Variants in UBE2E2 observed in about 807,000 individuals in gnomAD.
UBE2E2 encodes the protein ubiquitin conjugating enzyme E2 E2.
Under a neutral mutation model 24.7 loss-of-function variants are expected in UBE2E2, and 6 were observed. The ratio of observed to expected loss-of-function variants is 0.24; its 90% CI spans 0.13 to 0.48. The LOEUF (loss-of-function observed/expected upper bound fraction) is 0.48. UBE2E2 is among the 20% of genes least tolerant of loss of function. UBE2E2 has a pLI of 0.99. For synonymous variants in UBE2E2, 104 were observed against 83.6 expected, an observed-to-expected ratio of 1.24 and a Z score of -1.33; for missense variants, 169 against 245.0, an observed-to-expected ratio of 0.69 and a Z score of 2.07.
At chr3:23,437,064 T>G (rs908672603) in intron 3 of UBE2E2, among the ~76,000 whole-genome samples, 1 of 152,256 alleles carries the variant, frequency 6.6e-6, no homozygotes, top group Non-Finnish European at 1.5e-5. Context: ...AGGCCATACG[T>G]GAGCTGGCCC....
rs527308916 is a variant in UBE2E2 at position 23,361,136 on chromosome 3, T to A, written c.228-138472T>A. Among the ~76,000 whole-genome samples the A allele has an allele frequency of 8.5e-5, 13 of 152,304 alleles. No homozygotes were observed. In the South Asian group the frequency reaches 2.7e-3, roughly 32 times the overall value. On this transcript the variant is annotated intron_variant, in intron 3 of 5. Coordinates refer to ENST00000396703, the MANE Select transcript of UBE2E2 (RefSeq NM_152653.4). ...ATTAAAACCACAGTGAGATACCACCTTACTCCTGTAAGAATGGCCATAATT... is the reference window on the plus strand; with the variant it reads ...ATTAAAACCACAGTGAGATACCACCATACTCCTGTAAGAATGGCCATAATT...
chr3:23,241,368 G>A (rs1264320815), intron 3 of UBE2E2, among the ~76,000 whole-genome samples: 2 of 152,108 alleles, frequency 1.3e-5, no homozygotes, highest in East Asian at 3.8e-4. Context: ...TTCTTAATAT[G>A]ACAGCCAGAA....
rs571248745 is a variant in UBE2E2 at position 23,478,583 on chromosome 3, A to G, written c.228-21025A>G. ...CAAAAATATTAAGAATAGAGCCTCCAAAACCAAAAAAGTAATATTTTTCTT... is the reference window on the plus strand; with the variant it reads ...CAAAAATATTAAGAATAGAGCCTCCGAAACCAAAAAAGTAATATTTTTCTT... On this transcript the variant is annotated intron_variant, in intron 3 of 5. Coordinates refer to ENST00000396703, the MANE Select transcript of UBE2E2 (RefSeq NM_152653.4). 1.2e-3 allele frequency among the ~76,000 whole-genome samples: 177 copies of G among 152,376 alleles called. 1 individual carries two copies. The highest frequency in any genetic ancestry group is 0.011 in the Admixed American group (176 of 15,306).
chr3:23,346,095 T>G (rs1695547109), intron 3 of UBE2E2, among the ~76,000 whole-genome samples: 1 of 152,220 alleles, frequency 6.6e-6, no homozygotes, highest in Non-Finnish European at 1.5e-5. Context: ...CCCCTACTTC[T>G]AGTTTTCGCC....
chr3:23,542,387 T>C (rs1215900136), intron 5 of UBE2E2, among the ~76,000 whole-genome samples: 1 of 152,204 alleles, frequency 6.6e-6, no homozygotes, highest in African/African-American at 2.4e-5. Context: ...GGTAAAAGTT[T>C]GTAAGTGAAA....
At chr3:23,432,883 ATAT>A (rs1179613161) in intron 3 of UBE2E2, among the ~76,000 whole-genome samples, 2 of 151,884 alleles carry the variant, frequency 1.3e-5, no homozygotes, top group African/African-American at 2.4e-5. Flanking sequence ...ATAGATGTTA[ATAT>A]TAATATAATT....
intron 3 of UBE2E2, among the ~76,000 whole-genome samples, chr3:23,310,939 T>C (rs1694366478): frequency 6.6e-6 from 1 of 152,140 alleles, no homozygotes; most frequent in South Asian, 2.1e-4. Flanking sequence ...ACATGTGCCA[T>C]GTTGGTGTGC....
At chr3:23,359,080 G>T (rs71322172) in intron 3 of UBE2E2, among the ~76,000 whole-genome samples, 1 of 152,036 alleles carries the variant, frequency 6.6e-6, no homozygotes, top group Non-Finnish European at 1.5e-5. Flanking sequence ...TGCCGTTTTT[G>T]ACTATTCAAC....
chr3:23,424,712 AG>A (rs1471840949), intron 3 of UBE2E2, among the ~76,000 whole-genome samples: 4 of 152,182 alleles, frequency 2.6e-5, no homozygotes, highest in African/African-American at 9.6e-5. Flanking sequence ...GCTGGAGCTA[AG>A]GTACTCTGAT....
At chr3:23,307,324 C>G (rs1699263753) in intron 3 of UBE2E2, among the ~76,000 whole-genome samples, 1 of 152,060 alleles carries the variant, frequency 6.6e-6, no homozygotes, top group Non-Finnish European at 1.5e-5. Flanking sequence ...GTCTAGTAAT[C>G]TTTGGTTGGT....
intron 3 of UBE2E2, among the ~76,000 whole-genome samples, chr3:23,363,776 C>T (rs1045457958): frequency 1.8e-4 from 28 of 152,038 alleles, no homozygotes; most frequent in African/African-American, 6.8e-4. Context: ...AACCAGAGCT[C>T]AACATTTGAC....
intron 4 of UBE2E2, among the ~76,000 whole-genome samples, chr3:23,501,707 A>T (rs1699723886): frequency 6.6e-6 from 1 of 152,162 alleles, no homozygotes; most frequent in Admixed American, 6.5e-5. Context: ...GGTGTCAGTT[A>T]CCGGGAAGTA....
At chr3:23,565,163 T>C (rs55666330) in intron 5 of UBE2E2, among the ~76,000 whole-genome samples, 39,399 of 152,002 alleles carry the variant, frequency 0.26, 5,583 homozygotes, top group African/African-American at 0.36. Flanking sequence ...TATGGTTCTC[T>C]TTGAAAATGT....
intron 3 of UBE2E2, among the ~76,000 whole-genome samples, chr3:23,220,184 T>A (rs528365122): frequency 2.6e-5 from 4 of 152,234 alleles, no homozygotes; most frequent in Non-Finnish European, 4.4e-5. Context: ...TGGTTAATTT[T>A]TTTTCAGGTT....
Position 23,589,436 on chromosome 3 carries a change from A to T in UBE2E2, c.509-298A>T, listed in dbSNP as rs201339074. 6.4e-4 allele frequency among the ~76,000 whole-genome samples: 98 copies of T among 152,150 alleles called. 5 individuals carry two copies. The East Asian group carries it at 0.015, about 24-fold the overall frequency. On this transcript the variant is annotated intron_variant, in intron 5 of 5. Transcript: ENST00000396703. This position sits in a 1 kb window ranked among gnomAD's most constrained non-coding sequence, Gnocchi z 4.1. Reference sequence around the variant, plus strand: ...ACACCCTGTCTCAAAAGAAAAAAAAAAAAACCAATACGAGGGGAGCAAGGT... The same window carrying T: ...ACACCCTGTCTCAAAAGAAAAAAAATAAAACCAATACGAGGGGAGCAAGGT...
chr3:23,265,210 A>G (rs1698013372), intron 3 of UBE2E2, among the ~76,000 whole-genome samples: 1 of 152,172 alleles, frequency 6.6e-6, no homozygotes, highest in African/African-American at 2.4e-5. Flanking sequence ...AAGATTAGAA[A>G]AGCAGTAATG....
At chr3:23,442,943 A>G (rs1179557403) in intron 3 of UBE2E2, among the ~76,000 whole-genome samples, 2 of 152,208 alleles carry the variant, frequency 1.3e-5, no homozygotes, top group Non-Finnish European at 2.9e-5. Context: ...TAATAATTGA[A>G]CCAAATTTAG....
chr3:23,304,669 T>C (rs907382476), intron 3 of UBE2E2, among the ~76,000 whole-genome samples: 2 of 152,174 alleles, frequency 1.3e-5, no homozygotes, highest in African/African-American at 4.8e-5. Flanking sequence ...TTTCAGATAA[T>C]TGTGGATATT....
At chr3:23,540,108 G>A (rs1407513114) in intron 5 of UBE2E2, among the ~76,000 whole-genome samples, 4 of 152,002 alleles carry the variant, frequency 2.6e-5, no homozygotes, top group South Asian at 2.1e-4. Flanking sequence ...CTGTCTCCCA[G>A]GCTGGAGGGC....
Sources: gnomAD v4.1 joint callset for allele counts (sites outside exome capture counted in the v4.1 genomes callset) on GRCh38, gnomAD v4.1.1 for gene constraint, Gnocchi (gnomAD v3.1) non-coding constraint, MANE v1.5 for transcripts, NCBI Gene and HGNC (gene_info 2026-07-23, HGNC 2026-07-21) for gene names.